Variants in DCP1A observed in about 807,000 individuals in gnomAD.
DCP1A encodes the protein decapping mRNA 1A.
A neutral mutation model predicts 58.0 loss-of-function variants in DCP1A; 20 were observed. The observed-to-expected ratio is 0.34, with a 90% confidence interval of 0.24 to 0.50. DCP1A has a LOEUF of 0.50. Ranked by LOEUF, DCP1A falls within the 20% of genes least tolerant of loss-of-function variation. The probability of loss-of-function intolerance (pLI) is 0.98; values close to 1 mark genes in which losing one functional copy is unlikely to be tolerated. For missense variants in DCP1A, 613 were observed against 712.2 expected (o/e 0.86, Z 1.59); for synonymous variants, 285 against 275.1 (o/e 1.04, Z -0.36).
rs782278076 is a variant in DCP1A at position 53,292,769 on chromosome 3, G to C, written c.683C>G (p.Pro228Arg). 48 of 1,613,184 alleles carry C rather than the reference G, an allele frequency of 3.0e-5. 1 individual carries two copies. The highest frequency in any genetic ancestry group is 1.7e-5 in the Admixed American group (1 of 59,966). The change falls in exon 7 of 10, where the codon CCA becomes CGA. Residue 228 changes from proline (P) to arginine (R), a missense_variant. Physicochemically the swap from Pro to Arg is moderately radical, Grantham distance 103 (BLOSUM62 -2). Transcript: ENST00000610213. ...TVEELFGTSL[P>R]KEQPAVVGLD... ...ACCCACAACTGCTGGTTGTTCCTTTGGCAAAGAGGTTCCAAATAACTCTTC... is the reference window on the plus strand; with the variant it reads ...ACCCACAACTGCTGGTTGTTCCTTTCGCAAAGAGGTTCCAAATAACTCTTC...
chr3:53,330,165 C>T (rs1553691124), intron 3 of DCP1A, among the ~76,000 whole-genome samples: 2 of 152,122 alleles, frequency 1.3e-5, no homozygotes, highest in Non-Finnish European at 2.9e-5. Flanking sequence ...TAATTTTTAT[C>T]ATTAATCTAC....
At chr3:53,292,021 T>C (rs782280115) in intron 7 of DCP1A, 48 bp downstream of exon 7, 35 of 1,544,244 alleles carry the variant, frequency 2.3e-5, no homozygotes, top group Non-Finnish European at 2.5e-5. Context: ...TTTCATCCCA[T>C]CCAGTTACAG....
chr3:53,295,091 CAGAG>C (rs1344208076), intron 6 of DCP1A, among the ~76,000 whole-genome samples: 2 of 152,134 alleles, frequency 1.3e-5, no homozygotes, highest in Non-Finnish European at 2.9e-5. Flanking sequence ...TGTCAGACAA[CAGAG>C]AAAGAGGGCC....
chr3:53,338,513 A>G (rs1308399803), intron 3 of DCP1A, among the ~76,000 whole-genome samples: 2 of 152,094 alleles, frequency 1.3e-5, no homozygotes, highest in Non-Finnish European at 2.9e-5. Context: ...TTTCTCTTTA[A>G]GATTTTATCT....
intron 2 of DCP1A, among the ~76,000 whole-genome samples, chr3:53,344,279 CAT>C (rs2089264029): frequency 6.6e-6 from 1 of 152,162 alleles, no homozygotes; most frequent in Admixed American, 6.6e-5. Flanking sequence ...CCATGACTAT[CAT>C]ATACTGTCAG....
intron 5 of DCP1A, among the ~76,000 whole-genome samples, chr3:53,311,186 T>C (rs1056884426): frequency 6.6e-6 from 1 of 152,242 alleles, no homozygotes; most frequent in Non-Finnish European, 1.5e-5. Context: ...ATAGCAGAAC[T>C]GTATGGGAAA....
intron 6 of DCP1A, among the ~76,000 whole-genome samples, chr3:53,293,146 G>C (rs1706988300): frequency 1.3e-5 from 2 of 152,156 alleles, no homozygotes; most frequent in African/African-American, 4.8e-5. Context: ...ACAGGGAAAT[G>C]ACACTAGAGG....
chr3:53,294,806 A>C (rs1426399492), intron 6 of DCP1A, among the ~76,000 whole-genome samples: 1 of 152,216 alleles, frequency 6.6e-6, no homozygotes, highest in Non-Finnish European at 1.5e-5. Context: ...CCCAGCACAC[A>C]GGAAGTGTGT....
At chr3:53,313,247 C>A (rs553024842) in intron 4 of DCP1A, among the ~76,000 whole-genome samples, 2 of 152,068 alleles carry the variant, frequency 1.3e-5, no homozygotes, top group African/African-American at 4.8e-5. Context: ...GGCAAAACCC[C>A]GTCTCTACAA....
At chr3:53,317,492 G>A (rs1707848197) in intron 4 of DCP1A, among the ~76,000 whole-genome samples, 1 of 152,166 alleles carries the variant, frequency 6.6e-6, no homozygotes, top group Non-Finnish European at 1.5e-5. Flanking sequence ...GTAACCACAA[G>A]TAAGCTGCCT....
chr3:53,299,405 A>C (rs1002004642), intron 6 of DCP1A, among the ~76,000 whole-genome samples: 1 of 152,216 alleles, frequency 6.6e-6, no homozygotes, highest in African/African-American at 2.4e-5. Flanking sequence ...CTGACCGTTT[A>C]GCTCAGGAAA....
At position 53,286,667 on chromosome 3, in the gene DCP1A, A is replaced by G. The variant is rs1706645748; in HGVS notation, c.*913T>C. On this transcript the variant is annotated 3_prime_UTR_variant, in exon 10 of 10. Transcript: ENST00000610213. ...CTTTAAAACTATTCTCAGTACACTC[A>G]AGGAAAGGAACCAGAATGGCTTTGT... is the stretch of plus-strand genomic sequence containing the variant. 1 of 152,224 alleles carries G rather than the reference A, an allele frequency of 6.6e-6. No homozygotes were observed. The highest frequency in any genetic ancestry group is 2.1e-4 in the South Asian group (1 of 4,834). The allele number at this position is 152,224 out of a possible 1,614,324, so 9.4% of individuals were successfully genotyped here. A position where few individuals can be genotyped will look rare whatever the true frequency, so the allele number is the denominator to read the frequency against.
Position 53,347,477 on chromosome 3 carries a change from G to A in DCP1A, c.41C>T (p.Ala14Val), listed in dbSNP as rs1553693298. The A allele has an allele frequency of 6.2e-7, 1 of 1,613,324 alleles. No homozygotes were observed. Among genetic ancestry groups the A allele is most frequent in the Non-Finnish European group, 8.5e-7 (1 of 1,179,526 alleles). Residue 14 changes from alanine to valine, a missense_variant, in exon 1 of 10, where the codon GCG (alanine) becomes GTG (valine). Ala to Val is a moderately conservative substitution (Grantham distance 64). Coordinates refer to ENST00000610213, the MANE Select transcript of DCP1A (RefSeq NM_018403.7). Reference sequence around the variant, plus strand: ...ATAGGGGTCGTGTTGCTTCAGGGCCGCTAGGCTCATCTCCTGCCCAGCTCG... The same window carrying A: ...ATAGGGGTCGTGTTGCTTCAGGGCCACTAGGCTCATCTCCTGCCCAGCTCG... ...LSRAGQEMSLAALKQHDPYIT... is the reference protein window; with the variant it reads ...LSRAGQEMSLVALKQHDPYIT...
intron 3 of DCP1A, among the ~76,000 whole-genome samples, chr3:53,333,307 AT>A (rs1191654078): frequency 3.4e-5 from 5 of 149,002 alleles, no homozygotes; most frequent in Non-Finnish European, 7.5e-5. Flanking sequence ...TGCCTGGCTA[AT>A]TTTTTTTTTG....
chr3:53,290,044 CA>C (rs1452280732), intron 8 of DCP1A, among the ~76,000 whole-genome samples: 5 of 152,096 alleles, frequency 3.3e-5, no homozygotes, highest in African/African-American at 1.2e-4. Flanking sequence ...ATTTAAACTC[CA>C]AGATGTAAGA....
At position 53,284,345 on chromosome 3, in the gene DCP1A, G is replaced by A. The variant is rs1553684825; in HGVS notation, c.*3235C>T. 6.6e-6 allele frequency: 1 copy of A among 152,098 alleles called. No individual in the cohort carries two copies. Among genetic ancestry groups the A allele is most frequent in the Non-Finnish European group, 1.5e-5 (1 of 68,026 alleles). 9.4% of individuals were successfully genotyped at this position (152,098 alleles called of 1,614,324 possible). On this transcript the variant is annotated 3_prime_UTR_variant, in exon 10 of 10. Coordinates refer to ENST00000610213, the MANE Select transcript of DCP1A (RefSeq NM_018403.7). ...AAATTTCAAACTACATTCTTTGGGGGAGGAGAGTAATAAAGCTGCATGGTT... is the reference window on the plus strand; with the variant it reads ...AAATTTCAAACTACATTCTTTGGGGAAGGAGAGTAATAAAGCTGCATGGTT...
Position 53,337,387 on chromosome 3 carries a change from G to A in DCP1A, c.304+4757C>T, listed in dbSNP as rs368377518. On this transcript the variant is annotated intron_variant, in intron 3 of 9. Coordinates refer to ENST00000610213, the MANE Select transcript of DCP1A (RefSeq NM_018403.7). ...GGTGTGGATAACACTGATGTCCCTA[G>A]GATTCTTTCACTAATGAGATCATTT... Among the ~76,000 whole-genome samples, 18 of 152,298 alleles carry A rather than the reference G, an allele frequency of 1.2e-4. No individual in the cohort carries two copies. In the East Asian group the frequency reaches 3.3e-3, roughly 28 times the overall value.
rs183912120 is a variant in DCP1A at position 53,305,324 on chromosome 3, T to C, written c.511-1034A>G. On this transcript the variant is annotated intron_variant, in intron 5 of 9. Coordinates refer to ENST00000610213, the MANE Select transcript of DCP1A (RefSeq NM_018403.7). ...AATACAACATCTATAAACATTGATA[T>C]AGGTTTTTAAGTGGACAAAAATTTT... 9.6e-3 allele frequency among the ~76,000 whole-genome samples: 1,454 copies of C among 151,402 alleles called. 9 individuals are homozygous for C. Among genetic ancestry groups the C allele is most frequent in the Non-Finnish European group, 0.014 (944 of 67,920 alleles).
chr3:53,329,294 A>AT (rs1553691035), intron 3 of DCP1A: 2 of 398,262 alleles, frequency 5.0e-6, no homozygotes, highest in East Asian at 7.1e-5. Context: ...TGGCAGTGGC[A>AT]TTTTCAACAC....
Sources: allele counts gnomAD v4.1 joint callset (sites outside exome capture counted in the v4.1 genomes callset), GRCh38; gene constraint gnomAD v4.1.1; transcripts MANE v1.5; gene names NCBI Gene and HGNC (gene_info 2026-07-23, HGNC 2026-07-21).